OR51L1: variants seen among roughly 807,000 people sequenced by gnomAD.
OR51L1 encodes olfactory receptor 51L1.
In OR51L1, 1 loss-of-function variant was observed where a neutral mutation model predicts 1.4. The observed-to-expected ratio is 0.72, with a 90% CI of 0.26 to 3.42. The LOEUF (loss-of-function observed/expected upper bound fraction) is 3.42, where lower values mean the gene tolerates loss of function less well. Ranked by LOEUF, OR51L1 falls within the 30% of genes most tolerant of loss-of-function variation. The probability of loss-of-function intolerance (pLI) is 0.20; values close to 1 mark genes in which losing one functional copy is unlikely to be tolerated. For synonymous variants in OR51L1, 156 were observed against 144.2 expected (o/e 1.08, Z -0.59); for missense variants, 378 against 380.0 (o/e 0.99, Z 0.04).
Position 4,999,829 on chromosome 11 carries a change from C to CT in OR51L1, c.849dup (p.Leu284SerfsTer7). On this transcript the variant is annotated frameshift_variant, in exon 3 of 3. Transcript: ENST00000641819. LOFTEE classifies it high-confidence loss of function. ...CCACATCCTCATGGCAGACATCTACCTTCTTCTTCCCCCAGTCCTTAACCC... is the reference window on the plus strand; with the variant it reads ...CCACATCCTCATGGCAGACATCTACCTTTCTTCTTCCCCCAGTCCTTAACCC... 1.9e-6 allele frequency: 3 copies of CT among 1,613,134 alleles called. No homozygotes were observed. The highest frequency in any genetic ancestry group is 2.5e-6 in the Non-Finnish European group (3 of 1,179,960).
chr11:4,997,876 G>A (rs1352672142), intron 2 of OR51L1, among the ~76,000 whole-genome samples: 2 of 152,038 alleles, frequency 1.3e-5, no homozygotes, highest in Non-Finnish European at 2.9e-5. Flanking sequence ...CCTAAATTCT[G>A]GATTGTCATG....
In OR51L1 at chr11:4,999,312, A is replaced by T. The variant is rs368384016; in HGVS notation, c.330A>T (p.Thr110=). ...AGCTGTTCTTCATCCACACATTCAC[A>T]TTCCTGGAGTCCTCAGTGTTGCTGG... ...YAQLFFIHTF[T]FLESSVLLAM... Residue 110 remains threonine (T), a synonymous_variant, in exon 3 of 3, where the codon ACA becomes ACT. Transcript: ENST00000641819. 55 of 1,614,032 alleles carry T rather than the reference A, an allele frequency of 3.4e-5. No homozygotes were observed. The African/African-American group carries it at 6.4e-4, about 19-fold the overall frequency.
chr11:4,998,637 T>C (rs1847094248), intron 2 of OR51L1, among the ~76,000 whole-genome samples, 187 bp from the exon 3 acceptor site: 1 of 152,122 alleles, frequency 6.6e-6, no homozygotes, highest in Non-Finnish European at 1.5e-5. Context: ...ACTCTGACTT[T>C]TCTCTATTTT....
rs970797259 is a variant in OR51L1, at chr11:5,002,361, A to G, written c.*2431A>G. 27 of 152,290 alleles carry G rather than the reference A, an allele frequency of 1.8e-4. No individual in the cohort carries two copies. Among genetic ancestry groups the G allele is most frequent in the African/African-American group, 6.3e-4 (26 of 41,556 alleles). The allele number at this position is 152,290 out of a possible 1,614,324, so 9.4% of individuals were successfully genotyped here. A position where few individuals can be genotyped will look rare whatever the true frequency, so the allele number is the denominator to read the frequency against. The stretch of plus-strand genomic sequence containing the variant: ...AACATGAAGAAAGCAAAGAGGTTAG[A>G]AAGAGTATGTGTTAGCAACGTTCTT... On this transcript the variant is annotated 3_prime_UTR_variant, in exon 3 of 3. Coordinates refer to ENST00000641819, the MANE Select transcript of OR51L1 (RefSeq NM_001004755.2).
intron 1 of OR51L1, among the ~76,000 whole-genome samples, chr11:4,997,242 T>G (rs56202529): frequency 0.24 from 36,600 of 152,098 alleles, 4,782 homozygotes; most frequent in South Asian, 0.4. Context: ...ATACAGATTC[T>G]AAATCAAGTC....
intron 1 of OR51L1, among the ~76,000 whole-genome samples, chr11:4,996,242 G>A (rs984246457): frequency 2.7e-5 from 4 of 145,620 alleles, no homozygotes; most frequent in Admixed American, 6.8e-5. Context: ...ACACATGCAC[G>A]TGTGTGCATG....
Position 5,004,499 on chromosome 11 carries a change from C to CAT in OR51L1, c.*4572_*4573dup, listed in dbSNP as rs1359815337. 9 of 152,050 alleles carry CAT rather than the reference C, an allele frequency of 5.9e-5. No homozygotes were observed. The highest frequency in any genetic ancestry group is 2.2e-4 in the African/African-American group (9 of 41,374). The allele number at this position is 152,050 out of a possible 1,614,324, so 9.4% of individuals were successfully genotyped here. On this transcript the variant is annotated 3_prime_UTR_variant, in exon 3 of 3. Transcript: ENST00000641819. ...CTGCAAGACTCAGTAAGAGTCTAGC[C>CAT]ATATGGGTATTGTTGAAATTTGATA...
At chr11:4,995,424 G>A (rs1847059708) in intron 1 of OR51L1, 89 bp downstream of exon 1, 1 of 152,006 alleles carries the variant, frequency 6.6e-6, no homozygotes, top group African/African-American at 2.4e-5. Context: ...GTAAAATTAT[G>A]AGAAAGATGA....
chr11:5,000,102 A>G lies in OR51L1; in HGVS notation c.*172A>G. On this transcript the variant is annotated 3_prime_UTR_variant, in exon 3 of 3. Transcript: ENST00000641819. ...AATATGAAACTCAGGATTTTTTTGG[A>G]CAAATTGTGACAACTATGGCCTTAC... 1 of 654,284 alleles carries G rather than the reference A, an allele frequency of 1.5e-6. No homozygotes were observed. Among genetic ancestry groups the G allele is most frequent in the Non-Finnish European group, 2.5e-6 (1 of 407,878 alleles). 40.5% of individuals were successfully genotyped at this position (654,284 alleles called of 1,614,324 possible). A position where few individuals can be genotyped will look rare whatever the true frequency, so the allele number is the denominator to read the frequency against.
In OR51L1 at chr11:4,999,061, T is replaced by A; in HGVS notation, c.79T>A (p.Ser27Thr). Residue 27 changes from serine (S) to threonine (T), a missense_variant, in exon 3 of 3, where the codon TCT becomes ACT. Coordinates refer to ENST00000641819, the MANE Select transcript of OR51L1 (RefSeq NM_001004755.2). Reference sequence around the variant, plus strand: ...TTTTCCTGGACTGGAGTATGTTCATTCTTGGCTCTCCATCCTCTTCTGTCT... The same window carrying A: ...TTTTCCTGGACTGGAGTATGTTCATACTTGGCTCTCCATCCTCTTCTGTCT... ...RGFPGLEYVH[S>T]WLSILFCLAY... The A allele has an allele frequency of 6.2e-7, 1 of 1,614,140 alleles. No homozygotes were observed. The highest frequency in any genetic ancestry group is 8.5e-7 in the Non-Finnish European group (1 of 1,179,978).
intron 1 of OR51L1, among the ~76,000 whole-genome samples, chr11:4,995,579 A>G (rs938394331): frequency 7.1e-6 from 1 of 141,818 alleles, no homozygotes; most frequent in Admixed American, 6.9e-5. Flanking sequence ...AGGTTTTGAT[A>G]CTAGAGAGGC....
rs575664306 is a variant in OR51L1, at chr11:4,995,626, T to G, written c.-262+291T>G. ...GGTCTTATGTTCAGTAGTTCTCCCT[T>G]AATTACCTGGAATAGGTGAATGTGT... On this transcript the variant is annotated intron_variant, in intron 1 of 2. Coordinates refer to ENST00000641819, the MANE Select transcript of OR51L1 (RefSeq NM_001004755.2). 9.2e-5 allele frequency among the ~76,000 whole-genome samples: 14 copies of G among 152,240 alleles called. No homozygotes were observed. In the South Asian group the frequency reaches 2.9e-3, roughly 32 times the overall value.
In OR51L1 at chr11:5,000,965, T is replaced by G. The variant is rs1345999986; in HGVS notation, c.*1035T>G. ...TCTTGCTCTGTCACCCAGGTGGAAG[T>G]GCAATGGCGTGATCTCTGCTCACTG... On this transcript the variant is annotated 3_prime_UTR_variant, in exon 3 of 3. Coordinates refer to ENST00000641819, the MANE Select transcript of OR51L1 (RefSeq NM_001004755.2). The G allele has an allele frequency of 6.6e-6, 1 of 152,396 alleles. No homozygotes were observed. The highest frequency in any genetic ancestry group is 6.5e-5 in the Admixed American group (1 of 15,284). The allele number at this position is 152,396 out of a possible 1,614,324, so 9.4% of individuals were successfully genotyped here.
rs1157757866 is a variant in OR51L1 at position 5,004,722 on chromosome 11, A to G, written c.*4792A>G. 3.9e-5 allele frequency: 6 copies of G among 152,162 alleles called. No individual in the cohort carries two copies. Among genetic ancestry groups the G allele is most frequent in the Non-Finnish European group, 5.9e-5 (4 of 68,026 alleles). 9.4% of individuals were successfully genotyped at this position (152,162 alleles called of 1,614,324 possible). A position where few individuals can be genotyped will look rare whatever the true frequency, so the allele number is the denominator to read the frequency against. On this transcript the variant is annotated 3_prime_UTR_variant, in exon 3 of 3. Transcript: ENST00000641819. ...TGTTGCAGAGTAAGCAATGAAGTCT[A>G]TATTTGAAACTGGGACAATAAATAA...
In OR51L1 at chr11:4,999,675, A is replaced by G. The variant is rs1847109866; in HGVS notation, c.693A>G (p.Ala231=). The G allele has an allele frequency of 6.2e-7, 1 of 1,614,028 alleles. No homozygotes were observed. Among genetic ancestry groups the G allele is most frequent in the Non-Finnish European group, 8.5e-7 (1 of 1,179,990 alleles). Residue 231 remains alanine, a synonymous_variant, in exon 3 of 3, where the codon GCA becomes GCG. Coordinates refer to ENST00000641819, the MANE Select transcript of OR51L1 (RefSeq NM_001004755.2). Reference sequence around the variant, plus strand: ...TTCTTAATACTGTGCTGGATATTGCATCTCGTGAAGAGCAGCTAAAGGCAC... The same window carrying G: ...TTCTTAATACTGTGCTGGATATTGCGTCTCGTGAAGAGCAGCTAAAGGCAC... ...VLILNTVLDI[A]SREEQLKALN... is the part of the protein sequence containing the mutation.
intron 2 of OR51L1, 101 bp from the exon 3 acceptor site, chr11:4,998,723 A>G (rs937878855): frequency 2.0e-5 from 8 of 398,748 alleles, no homozygotes; most frequent in African/African-American, 1.2e-4. Context: ...TCTTTGATGC[A>G]AATCCAACGT....
intron 2 of OR51L1, among the ~76,000 whole-genome samples, chr11:4,998,620 G>A (rs1369618557): frequency 6.6e-6 from 1 of 152,048 alleles, no homozygotes; most frequent in Non-Finnish European, 1.5e-5. Flanking sequence ...CAAATCCATC[G>A]ACATTCACTC....
chr11:4,998,791 G>A (rs1847095617), intron 2 of OR51L1, 33 bp from the exon 3 acceptor site: 2 of 566,630 alleles, frequency 3.5e-6, no homozygotes, highest in African/African-American at 3.7e-5. Flanking sequence ...CAGAATTTGT[G>A]CTCCTTAATA....
chr11:4,995,648 G>A (rs564509522), intron 1 of OR51L1, among the ~76,000 whole-genome samples: 2 of 152,204 alleles, frequency 1.3e-5, no homozygotes, highest in African/African-American at 4.8e-5. Context: ...ATAGGTGAAT[G>A]TGTGACATAA....
Sources: gnomAD v4.1 joint callset for allele counts (sites outside exome capture counted in the v4.1 genomes callset) on GRCh38, gnomAD v4.1.1 for gene constraint, MANE v1.5 for transcripts, NCBI Gene and HGNC (gene_info 2026-07-23, HGNC 2026-07-21) for gene names.